CACNA1D: variants seen among roughly 807,000 people sequenced by gnomAD.
The protein encoded by CACNA1D is calcium voltage-gated channel subunit alpha1 D.
In CACNA1D, 55 loss-of-function variants were observed where a neutral mutation model predicts 257.1. That is an observed-to-expected ratio of 0.21 (90% confidence interval 0.17 to 0.27). The LOEUF is 0.27. Ranked by LOEUF, CACNA1D falls within the 10% of genes least tolerant of loss-of-function variation. CACNA1D has a pLI of 1.00. For missense variants in CACNA1D, 1,876 were observed against 2,784.0 expected (o/e 0.67, Z 7.34); for synonymous variants, 980 against 1,014.9 (o/e 0.97, Z 0.65).
At position 53,735,401 on chromosome 3, in the gene CACNA1D, C is replaced by T; in HGVS notation, c.2649C>T (p.Ile883=). ...NPIRVGCHKL[I]NHHIFTNLIL... ...TCCGCGTAGGCTGCCACAAGCTCAT[C>T]AACCACCACATCTTCACCAACCTCA... Residue 883 remains isoleucine, a synonymous_variant, in exon 20 of 48, where the codon ATC becomes ATT. Coordinates refer to ENST00000350061, the MANE Select transcript of CACNA1D (RefSeq NM_001128840.3). 6.2e-7 allele frequency: 1 copy of T among 1,614,088 alleles called. No homozygotes were observed. The highest frequency in any genetic ancestry group is 8.5e-7 in the Non-Finnish European group (1 of 1,179,906).
chr3:53,595,030 T>G (rs2093353544), intron 3 of CACNA1D, among the ~76,000 whole-genome samples: 1 of 152,266 alleles, frequency 6.6e-6, no homozygotes, highest in Non-Finnish European at 1.5e-5. Flanking sequence ...GTTTTGCTAT[T>G]GATTTCTTTC....
intron 3 of CACNA1D, among the ~76,000 whole-genome samples, chr3:53,610,889 A>G (rs1370934835): frequency 6.6e-6 from 1 of 151,870 alleles, no homozygotes; most frequent in African/African-American, 2.4e-5. Flanking sequence ...TTTTCCTTCC[A>G]TTTGAGGACT....
Position 53,628,027 on chromosome 3 carries a change from AT to A in CACNA1D, c.484-22751del, listed in dbSNP as rs1295527231. On this transcript the variant is annotated intron_variant, in intron 3 of 47. Transcript: ENST00000350061. ...AGAGCGAGACTCCATCTCAAAAAAA[AT>A]AAATAAATAAAATAAAATAAAATGA... Among the ~76,000 whole-genome samples the A allele has an allele frequency of 3.9e-5, 6 of 152,254 alleles. No homozygotes were observed. In the East Asian group the frequency reaches 1.2e-3, roughly 29 times the overall value.
In CACNA1D at chr3:53,515,035, G is replaced by A. The variant is rs79438705; in HGVS notation, c.483+13315G>A. On this transcript the variant is annotated intron_variant, in intron 3 of 47. Transcript: ENST00000350061. ...ACCCCATCATCATTTAGACAATAAA[G>A]GGTGGTTAATTCCCTTGGAACACCA... Among the ~76,000 whole-genome samples the A allele has an allele frequency of 3.2e-3, 482 of 152,278 alleles. 4 individuals carry two copies. The highest frequency in any genetic ancestry group is 0.01 in the African/African-American group (436 of 41,558).
chr3:53,757,034 G>T (rs1398165852), intron 29 of CACNA1D, among the ~76,000 whole-genome samples: 2 of 152,174 alleles, frequency 1.3e-5, no homozygotes, highest in Admixed American at 6.5e-5. Flanking sequence ...TAGGTTTGGG[G>T]AAAGAAGAAA....
At position 53,543,099 on chromosome 3, in the gene CACNA1D, A is replaced by G. The variant is rs533176501; in HGVS notation, c.483+41379A>G. Among the ~76,000 whole-genome samples, 33 of 150,918 alleles carry G rather than the reference A, an allele frequency of 2.2e-4. No individual in the cohort carries two copies. The East Asian group carries it at 5.6e-3, about 26-fold the overall frequency. Reference sequence around the variant, plus strand: ...TATAATAATAATAAAATTAAAAAAAAAAAAAAGAACAGCAGCAGTAAAAAA... The same window carrying G: ...TATAATAATAATAAAATTAAAAAAAGAAAAAAGAACAGCAGCAGTAAAAAA... On this transcript the variant is annotated intron_variant, in intron 3 of 47. Coordinates refer to ENST00000350061, the MANE Select transcript of CACNA1D (RefSeq NM_001128840.3).
intron 3 of CACNA1D, among the ~76,000 whole-genome samples, chr3:53,566,119 G>C (rs1482696086): frequency 6.6e-6 from 1 of 152,178 alleles, no homozygotes; most frequent in Non-Finnish European, 1.5e-5. Flanking sequence ...CCGTGTCTGA[G>C]AATTTCTAGA....
chr3:53,524,137 G>T (rs183079218), intron 3 of CACNA1D, among the ~76,000 whole-genome samples: 5 of 152,320 alleles, frequency 3.3e-5, no homozygotes, highest in Non-Finnish European at 4.4e-5. Context: ...GGGGAGGATG[G>T]GGGGAAGGTG....
chr3:53,623,167 C>T (rs916404936), intron 3 of CACNA1D, among the ~76,000 whole-genome samples: 3 of 152,228 alleles, frequency 2.0e-5, no homozygotes, highest in Admixed American at 6.5e-5. Flanking sequence ...GGATTACAGG[C>T]GTGAGCCACC....
At chr3:53,691,137 T>C (rs1365122665) in intron 8 of CACNA1D, among the ~76,000 whole-genome samples, 1 of 151,532 alleles carries the variant, frequency 6.6e-6, no homozygotes, top group African/African-American at 2.4e-5. Context: ...CCCATGGTTT[T>C]GAAGAATACC....
chr3:53,672,153 C>T (rs192732938), intron 7 of CACNA1D, among the ~76,000 whole-genome samples: 8 of 152,162 alleles, frequency 5.3e-5, no homozygotes, highest in African/African-American at 1.4e-4. Context: ...TGAGCTTGTC[C>T]GGGAATAGGG....
At chr3:53,531,173 TATCAAGTCTGG>T (rs1159248409) in intron 3 of CACNA1D, among the ~76,000 whole-genome samples, 1 of 152,106 alleles carries the variant, frequency 6.6e-6, no homozygotes, top group Non-Finnish European at 1.5e-5. Context: ...TTTGTAGACA[TATCAAGTCTGG>T]CCTCCTTCAG....
chr3:53,747,790 CATT>C (rs2095185777), intron 26 of CACNA1D, among the ~76,000 whole-genome samples: 1 of 142,632 alleles, frequency 7.0e-6, no homozygotes, highest in Admixed American at 6.9e-5. Flanking sequence ...ACCATTCATT[CATT>C]CATTCATTCA....
chr3:53,739,373 C>T (rs1324850702), intron 20 of CACNA1D, among the ~76,000 whole-genome samples: 1 of 152,194 alleles, frequency 6.6e-6, no homozygotes, highest in East Asian at 1.9e-4. Flanking sequence ...AAGACCAACT[C>T]GCCTTTGCAG....
rs531437258 is a variant in CACNA1D, at chr3:53,759,613, G to GTGCT, written c.3787-2383_3787-2380dup. Among the ~76,000 whole-genome samples, 9 of 152,338 alleles carry GTGCT rather than the reference G, an allele frequency of 5.9e-5. No individual in the cohort carries two copies. The South Asian group carries it at 1.9e-3, about 32-fold the overall frequency. ...CCTAGAGGGGAGGGGAAGGATCACT[G>GTGCT]TGCTTTCTTTAGCTTTTGAGTTACT... On this transcript the variant is annotated intron_variant, in intron 29 of 47. Transcript: ENST00000350061.
At chr3:53,593,652 G>A (rs2093335744) in intron 3 of CACNA1D, among the ~76,000 whole-genome samples, 1 of 152,186 alleles carries the variant, frequency 6.6e-6, no homozygotes, top group African/African-American at 2.4e-5. Context: ...AGCAGGTGCA[G>A]GAGAGGTGAA....
At chr3:53,638,141 C>T (rs1387932902) in intron 3 of CACNA1D, among the ~76,000 whole-genome samples, 1 of 152,220 alleles carries the variant, frequency 6.6e-6, no homozygotes, top group Non-Finnish European at 1.5e-5. Context: ...GACCCACAGA[C>T]ATTCTTAGCC....
chr3:53,795,301 G>A lies in CACNA1D; in HGVS notation c.4924-4948G>A, dbSNP rs138372879. Among the ~76,000 whole-genome samples the A allele has an allele frequency of 4.6e-5, 7 of 152,324 alleles. No individual in the cohort carries two copies. The East Asian group carries it at 1.3e-3, about 29-fold the overall frequency. ...GAGCTCTGCTAGGGTAGTCAAAAGA[G>A]GGTTAGCCTTGATCAGGTGGCACCC... On this transcript the variant is annotated intron_variant, in intron 40 of 47. Coordinates refer to ENST00000350061, the MANE Select transcript of CACNA1D (RefSeq NM_001128840.3).
rs145880347 is a variant in CACNA1D at position 53,702,856 on chromosome 3, G to A, written c.1390+46G>A. The A allele has an allele frequency of 3.4e-4, 545 of 1,607,222 alleles. No homozygotes were observed. The East Asian group carries it at 0.011, about 32-fold the overall frequency. ...CCCTGGCTAGACAGACCCAGTGTGC[G>A]GTTCAGACGCCTAGCAGTAGGCCTT... On this transcript the variant is annotated intron_variant, in intron 9 of 47. Coordinates refer to ENST00000350061, the MANE Select transcript of CACNA1D (RefSeq NM_001128840.3).
Sources: allele counts gnomAD v4.1 joint callset (sites outside exome capture counted in the v4.1 genomes callset), GRCh38; gene constraint gnomAD v4.1.1; transcripts MANE v1.5; gene names NCBI Gene and HGNC (gene_info 2026-07-23, HGNC 2026-07-21).